The following CCDC6 variants were observed in gnomAD, a reference collection of about 807,000 sequenced individuals.
CCDC6 encodes the protein coiled-coil domain containing 6, also known as coiled-coil domain-containing protein 6.
In CCDC6, 20 loss-of-function variants were observed where a neutral mutation model predicts 56.6. The observed-to-expected ratio is 0.35, with a 90% CI of 0.25 to 0.51. The LOEUF is 0.51. Ranked by LOEUF, CCDC6 falls within the 20% of genes least tolerant of loss-of-function variation. The pLI is 0.95. For missense variants in CCDC6, 367 were observed against 601.1 expected (o/e 0.61, Z 4.07); for synonymous variants, 241 against 234.4 (o/e 1.03, Z -0.26).
At chr10:59,826,398 T>C (rs1171193046) in intron 3 of CCDC6, among the ~76,000 whole-genome samples, 3 of 152,206 alleles carry the variant, frequency 2.0e-5, no homozygotes, top group African/African-American at 7.2e-5. Context: ...ATAGACCCAC[T>C]TAACCAGTGG....
intron 1 of CCDC6, among the ~76,000 whole-genome samples, chr10:59,859,190 A>ATGTGTGCGTG (rs758108758): frequency 4.8e-5 from 4 of 83,986 alleles, no homozygotes; most frequent in African/African-American, 3.2e-4. Flanking sequence ...AAAAAAATAC[A>ATGTGTGCGTG]TGTGTGTGCG....
chr10:59,863,438 C>T (rs566279395), intron 1 of CCDC6, among the ~76,000 whole-genome samples: 6 of 152,262 alleles, frequency 3.9e-5, no homozygotes, highest in African/African-American at 1.4e-4. Flanking sequence ...TATTATGCTA[C>T]GTGATAGAAG....
intron 5 of CCDC6, among the ~76,000 whole-genome samples, chr10:59,809,141 C>G (rs1360334744): frequency 6.6e-6 from 1 of 152,086 alleles, no homozygotes; most frequent in Non-Finnish European, 1.5e-5. Flanking sequence ...AAAGATTGAC[C>G]CCTTGGAGTA....
At chr10:59,848,687 C>T (rs748643175) in intron 2 of CCDC6, among the ~76,000 whole-genome samples, 4 of 152,184 alleles carry the variant, frequency 2.6e-5, no homozygotes, top group African/African-American at 7.2e-5. Flanking sequence ...AAGAACTTAT[C>T]GGCAACATTA....
intron 2 of CCDC6, among the ~76,000 whole-genome samples, chr10:59,851,510 A>T (rs943182866): frequency 1.3e-5 from 2 of 152,190 alleles, no homozygotes; most frequent in African/African-American, 4.8e-5. Context: ...AGACTAATAG[A>T]AAGACAGGGG....
chr10:59,829,905 T>G (rs1406620927), intron 3 of CCDC6, among the ~76,000 whole-genome samples: 3 of 152,208 alleles, frequency 2.0e-5, no homozygotes, highest in African/African-American at 7.2e-5. Flanking sequence ...ATATGTAAAT[T>G]ACATCTCACT....
rs192908580 is a variant in CCDC6, at chr10:59,805,760, T to C, written c.1004+1162A>G. 1.2e-3 allele frequency among the ~76,000 whole-genome samples: 179 copies of C among 152,310 alleles called. 1 individual carries two copies. Among genetic ancestry groups the C allele is most frequent in the Middle Eastern group, 3.4e-3 (1 of 294 alleles). On this transcript the variant is annotated intron_variant, in intron 6 of 8. Transcript: ENST00000263102. ...GAGGCATACACATAGGTATTTAAAATAGAATAACCTGTTACTGTTTTCCTT... is the reference window on the plus strand; with the variant it reads ...GAGGCATACACATAGGTATTTAAAACAGAATAACCTGTTACTGTTTTCCTT...
At chr10:59,796,209 G>C (rs1336082677) in intron 7 of CCDC6, among the ~76,000 whole-genome samples, 1 of 151,854 alleles carries the variant, frequency 6.6e-6, no homozygotes, top group Non-Finnish European at 1.5e-5. Flanking sequence ...GTTTTGATTT[G>C]CATTTCTCTG....
intron 1 of CCDC6, among the ~76,000 whole-genome samples, chr10:59,887,594 A>ACC (rs2071392276): frequency 6.6e-6 from 1 of 152,192 alleles, no homozygotes; most frequent in Non-Finnish European, 1.5e-5. Flanking sequence ...GAAGGGGACC[A>ACC]AATACCAAGT....
Position 59,804,431 on chromosome 10 carries a change from G to C in CCDC6, c.1094C>G (p.Pro365Arg). 6.2e-7 allele frequency: 1 copy of C among 1,607,198 alleles called. No homozygotes were observed. The highest frequency in any genetic ancestry group is 8.5e-7 in the Non-Finnish European group (1 of 1,173,712). ...PYTPSPSSSR[P>R]ISPGLSYASH... is the part of the protein sequence containing the mutation. ...AGACATATGCTCACCAGGTGATATA[G>C]GCCTGCTTGAACTCGGAGAAGGTGT... is the stretch of plus-strand genomic sequence containing the variant. Residue 365 changes from proline to arginine, a missense_variant, in exon 7 of 9, where the codon CCT becomes CGT. By Grantham distance (103) the Pro-to-Arg change is moderately radical. This residue lies in a region of CCDC6 where 79 missense variants were observed against 83.9 expected (regional missense o/e 0.94). Coordinates refer to ENST00000263102, the MANE Select transcript of CCDC6 (RefSeq NM_005436.5).
intron 1 of CCDC6, among the ~76,000 whole-genome samples, chr10:59,872,315 C>T (rs1257769172): frequency 6.6e-6 from 1 of 152,202 alleles, no homozygotes; most frequent in Non-Finnish European, 1.5e-5. Context: ...ATGTTTCTTC[C>T]AGCAGATTCC....
rs934748887 is a variant in CCDC6 at position 59,906,471 on chromosome 10, G to A, written c.-47C>T. The A allele has an allele frequency of 8.4e-6, 12 of 1,422,870 alleles. No homozygotes were observed. Among genetic ancestry groups the A allele is most frequent in the African/African-American group, 7.5e-5 (5 of 66,468 alleles). 88.1% of individuals were successfully genotyped at this position (1,422,870 alleles called of 1,614,324 possible). On this transcript the variant is annotated 5_prime_UTR_variant, in exon 1 of 9. Transcript: ENST00000263102. ...GGAGGAGGAGCAGCAGGGAGGCGGC[G>A]GCGACGAAGGCCGGGCTGCGAATGA...
intron 1 of CCDC6, among the ~76,000 whole-genome samples, chr10:59,875,152 T>G (rs1231095720): frequency 6.6e-6 from 1 of 152,210 alleles, no homozygotes; most frequent in African/African-American, 2.4e-5. Flanking sequence ...ACCCAAATTT[T>G]GCTTTAAAGG....
intron 1 of CCDC6, among the ~76,000 whole-genome samples, chr10:59,857,621 T>G (rs1179351197): frequency 6.6e-6 from 1 of 151,734 alleles, no homozygotes; most frequent in Non-Finnish European, 1.5e-5. Context: ...AGCAGCCCTA[T>G]GGATATGGTC....
intron 1 of CCDC6, among the ~76,000 whole-genome samples, chr10:59,859,163 A>G (rs1040439009): frequency 6.6e-6 from 1 of 151,704 alleles, no homozygotes; most frequent in Admixed American, 6.6e-5. Flanking sequence ...ATGAGAATAC[A>G]AGGAAGGTTT....
intron 4 of CCDC6, among the ~76,000 whole-genome samples, chr10:59,814,272 A>G (rs559533913): frequency 4.6e-5 from 7 of 152,364 alleles, no homozygotes; most frequent in Admixed American, 1.3e-4. Flanking sequence ...AGAGATGTAT[A>G]AATAATAGTA....
intron 2 of CCDC6, among the ~76,000 whole-genome samples, chr10:59,845,572 G>A (rs1399358621): frequency 6.6e-6 from 1 of 152,158 alleles, no homozygotes; most frequent in African/African-American, 2.4e-5. Context: ...ACTGGTGGCT[G>A]TAGCATAAAA....
intron 1 of CCDC6, among the ~76,000 whole-genome samples, chr10:59,895,166 G>T (rs747145390): frequency 5.3e-5 from 8 of 152,130 alleles, no homozygotes; most frequent in Non-Finnish European, 7.3e-5. Flanking sequence ...CCCAGGAGTG[G>T]TGGCACACAT....
At chr10:59,856,517 T>C (rs926853464) in intron 1 of CCDC6, among the ~76,000 whole-genome samples, 1 of 152,224 alleles carries the variant, frequency 6.6e-6, no homozygotes, top group Admixed American at 6.5e-5. Flanking sequence ...GTCTTAGTCC[T>C]GTTTATTCCC....
Sources: gnomAD v4.1 joint callset for allele counts (sites outside exome capture counted in the v4.1 genomes callset) on GRCh38, gnomAD v4.1.1 for gene constraint, gnomAD v4.1.1 regional missense constraint, MANE v1.5 for transcripts, NCBI Gene and HGNC (gene_info 2026-07-23, HGNC 2026-07-21) for gene names.